Variants in ANK3 observed in about 807,000 individuals in gnomAD.
ANK3 encodes ankyrin 3.
A neutral mutation model predicts 370.9 loss-of-function variants in ANK3; 57 were observed. The observed-to-expected ratio is 0.15, with a 90% CI of 0.12 to 0.19. ANK3 has a LOEUF of 0.19. Ranked by LOEUF, ANK3 falls within the 10% of genes least tolerant of loss-of-function variation. The pLI, the probability that ANK3 is intolerant of heterozygous loss-of-function variation, is 1.00. For synonymous variants in ANK3, 1,929 were observed against 1,946.3 expected, an observed-to-expected ratio of 0.99 and a Z score of 0.23; for missense variants, 4,439 against 5,302.1, an observed-to-expected ratio of 0.84 and a Z score of 5.06.
chr10:60,055,519 A>G (rs2079007239), intron 42 of ANK3, 139 bp downstream of exon 42: 2 of 1,159,954 alleles, frequency 1.7e-6, no homozygotes, highest in East Asian at 4.7e-5. Flanking sequence ...TACCTCCACC[A>G]TTAGTGCTAC....
intron 2 of ANK3, among the ~76,000 whole-genome samples, chr10:60,437,865 T>C (rs1317045052): frequency 6.6e-6 from 1 of 152,212 alleles, no homozygotes; most frequent in Non-Finnish European, 1.5e-5. Flanking sequence ...TGAGACTTGA[T>C]TTGAAGTCTG....
intron 2 of ANK3, among the ~76,000 whole-genome samples, chr10:60,514,766 C>T (rs529548084): frequency 3.9e-5 from 6 of 152,120 alleles, no homozygotes; most frequent in South Asian, 4.2e-4. Flanking sequence ...AAAATAGAAC[C>T]ACTAAAGGAT....
intron 1 of ANK3, among the ~76,000 whole-genome samples, chr10:60,620,272 T>TC (rs2133328153): frequency 6.6e-6 from 1 of 152,298 alleles, no homozygotes; most frequent in African/African-American, 2.4e-5. Context: ...AAAATGCATC[T>TC]CCATCAAAGG....
chr10:60,498,389 T>C (rs2075713792), intron 2 of ANK3, among the ~76,000 whole-genome samples: 1 of 152,040 alleles, frequency 6.6e-6, no homozygotes, highest in Non-Finnish European at 1.5e-5. Flanking sequence ...TTCATGACCT[T>C]TTTATTTTTA....
chr10:60,055,986 C>T lies in ANK3; in HGVS notation c.12737G>A (p.Gly4246Asp). Residue 4246 changes from glycine (G) to aspartate (D), a missense_variant, in exon 42 of 44, where the codon GGC becomes GAC. Around this residue, in one of 13 missense-constraint regions of ANK3, gnomAD observed 242 missense variants for 228.0 expected, o/e 1.06. Coordinates refer to ENST00000280772, the MANE Select transcript of ANK3 (RefSeq NM_020987.5). ...SITSYLKGEA[G>D]KFEANGSHTE... ...ATGGCTTCCATTTGCTTCAAATTTG[C>T]CAGCTTCTCCTTTGAGATATGAGGT... 1 of 1,613,782 alleles carries T rather than the reference C, an allele frequency of 6.2e-7. No homozygotes were observed.
chr10:60,643,537 T>TATCTA (rs1554799346), intron 1 of ANK3, among the ~76,000 whole-genome samples: 11 of 136,192 alleles, frequency 8.1e-5, no homozygotes, highest in African/African-American at 2.8e-4. Flanking sequence ...TCTATCTATC[T>TATCTA]ATCTATCCAT....
chr10:60,333,270 G>A (rs866076673), intron 1 of ANK3, among the ~76,000 whole-genome samples: 9 of 152,044 alleles, frequency 5.9e-5, no homozygotes, highest in South Asian at 2.1e-4. Flanking sequence ...ATCTACATTA[G>A]GTATTTCTCC....
At chr10:60,140,844 T>C in intron 23 of ANK3, 1 of 991,752 alleles carries the variant, frequency 1.0e-6, no homozygotes, top group Non-Finnish European at 1.2e-6. Context: ...CAAGACAGCC[T>C]TCATGTAGGG....
At chr10:60,178,663 T>C (rs968759395) in intron 18 of ANK3, among the ~76,000 whole-genome samples, 3 of 152,178 alleles carry the variant, frequency 2.0e-5, no homozygotes, top group Non-Finnish European at 4.4e-5. Flanking sequence ...AAATGTGAAA[T>C]AGGTAAGTAT....
At chr10:60,551,767 TA>T in intron 2 of ANK3, among the ~76,000 whole-genome samples, 1 of 152,162 alleles carries the variant, frequency 6.6e-6, no homozygotes. Context: ...TATATGCATG[TA>T]AAACAGGAAG....
In ANK3 at chr10:60,516,269, T is replaced by G. The variant is rs191833000; in HGVS notation, c.96+98917A>C. Among the ~76,000 whole-genome samples the G allele has an allele frequency of 3.9e-5, 6 of 152,092 alleles. No homozygotes were observed. The East Asian group carries it at 1.2e-3, about 29-fold the overall frequency. On this transcript the variant is annotated intron_variant, in intron 2 of 43. Coordinates refer to the ANK3 transcript ENST00000373827. ...AGTAGCCCCCAAAAAGAGAAAAAGG[T>G]ATCAAGAACCTTGGCTGAAATAGAA...
At chr10:60,417,014 G>A (rs775305537) in intron 2 of ANK3, among the ~76,000 whole-genome samples, 1 of 152,158 alleles carries the variant, frequency 6.6e-6, no homozygotes, top group Non-Finnish European at 1.5e-5. Context: ...GGAAGAAGAT[G>A]GTGGTAAAGA....
upstream of ANK3, among the ~76,000 whole-genome samples, chr10:60,392,465 T>C (rs992925875): frequency 1.3e-5 from 2 of 152,150 alleles, no homozygotes; most frequent in African/African-American, 4.8e-5. Flanking sequence ...AAGAATGAGA[T>C]GCAAACATGG....
intron 1 of ANK3, among the ~76,000 whole-genome samples, chr10:60,282,168 C>T (rs2098172897): frequency 6.6e-6 from 1 of 152,092 alleles, no homozygotes; most frequent in Admixed American, 6.6e-5. Flanking sequence ...CATCAGTCTG[C>T]CTGGATATTT....
chr10:60,228,362 C>T (rs560217774), intron 8 of ANK3, among the ~76,000 whole-genome samples: 47 of 151,936 alleles, frequency 3.1e-4, no homozygotes, highest in Admixed American at 7.2e-4. Flanking sequence ...GGTGAAACCC[C>T]GTCTCTATTA....
chr10:60,251,440 G>A (rs903603612), intron 7 of ANK3, among the ~76,000 whole-genome samples: 3 of 152,132 alleles, frequency 2.0e-5, no homozygotes, highest in East Asian at 3.9e-4. Context: ...CTGGCCTTTC[G>A]GTTGGGACAC....
intron 1 of ANK3, among the ~76,000 whole-genome samples, chr10:60,637,338 A>G (rs536170005): frequency 6.6e-6 from 1 of 152,186 alleles, no homozygotes; most frequent in Non-Finnish European, 1.5e-5. Flanking sequence ...CTGGCAATGG[A>G]CGTTGCATAG....
chr10:60,610,839 G>A (rs1439329914), intron 2 of ANK3, among the ~76,000 whole-genome samples: 1 of 152,134 alleles, frequency 6.6e-6, no homozygotes, highest in Non-Finnish European at 1.5e-5. Context: ...AAAACAGAGG[G>A]GCAATTGAAA....
chr10:60,487,258 T>C (rs2075372717), intron 2 of ANK3, among the ~76,000 whole-genome samples: 1 of 152,194 alleles, frequency 6.6e-6, no homozygotes, highest in African/African-American at 2.4e-5. Flanking sequence ...TACTTTGCAT[T>C]AAGATAAGAG....
Sources: gnomAD v4.1 joint callset for allele counts (sites outside exome capture counted in the v4.1 genomes callset) on GRCh38, gnomAD v4.1.1 for gene constraint, gnomAD v4.1.1 regional missense constraint, MANE v1.5 for transcripts, NCBI Gene and HGNC (gene_info 2026-07-23, HGNC 2026-07-21) for gene names.